The following TC2N variants were observed in gnomAD, a reference collection of about 807,000 sequenced individuals.
The protein encoded by TC2N is tandem C2 domains nuclear protein.
Under a neutral mutation model 61.9 loss-of-function variants are expected in TC2N, and 51 were observed. The ratio of observed to expected loss-of-function variants is 0.82; its 90% CI spans 0.66 to 1.04. The LOEUF is 1.04. Among genes scored for constraint, TC2N ranks in the 50% least tolerant of loss-of-function variants. The pLI is 0.00. For missense variants in TC2N, 556 were observed against 566.7 expected, an observed-to-expected ratio of 0.98 and a Z score of 0.19; for synonymous variants, 204 against 192.6, an observed-to-expected ratio of 1.06 and a Z score of -0.49.
intron 1 of TC2N, among the ~76,000 whole-genome samples, chr14:91,848,347 G>A: frequency 6.6e-6 from 1 of 152,180 alleles, no homozygotes; most frequent in East Asian, 1.9e-4. Flanking sequence ...AGGATTAGGA[G>A]TATCCTGGGT....
At chr14:91,835,565 C>T (rs1887960451) in intron 1 of TC2N, among the ~76,000 whole-genome samples, 1 of 152,158 alleles carries the variant, frequency 6.6e-6, no homozygotes, top group Non-Finnish European at 1.5e-5. Context: ...CTTGTCTATA[C>T]CCAGATGTCT....
chr14:91,821,245 C>T (rs898466889), intron 1 of TC2N, among the ~76,000 whole-genome samples: 1 of 151,676 alleles, frequency 6.6e-6, no homozygotes, highest in African/African-American at 2.4e-5. Flanking sequence ...GTCATCAGGA[C>T]AATATAATAT....
chr14:91,807,783 G>C (rs1366676537), intron 3 of TC2N, among the ~76,000 whole-genome samples: 4 of 152,148 alleles, frequency 2.6e-5, no homozygotes, highest in Non-Finnish European at 5.9e-5. Context: ...GGCATAATTG[G>C]TTTTGAAATG....
chr14:91,828,930 C>T (rs1887622208), intron 1 of TC2N, among the ~76,000 whole-genome samples: 1 of 151,758 alleles, frequency 6.6e-6, no homozygotes. Context: ...AAAGATATTT[C>T]CTCTGGTTAT....
intron 10 of TC2N, among the ~76,000 whole-genome samples, chr14:91,785,995 AT>A: frequency 6.6e-6 from 1 of 152,156 alleles, no homozygotes; most frequent in Non-Finnish European, 1.5e-5. Flanking sequence ...ATACTCCCCT[AT>A]CTGACTGACA....
chr14:91,787,489 A>G, intron 10 of TC2N, 24 bp downstream of exon 10: 8 of 1,389,632 alleles, frequency 5.8e-6, no homozygotes, highest in Non-Finnish European at 8.0e-6. Flanking sequence ...TGAAGATTCT[A>G]CTTTGAACCA....
intron 1 of TC2N, among the ~76,000 whole-genome samples, chr14:91,849,256 G>T (rs1289927113): frequency 6.6e-6 from 1 of 152,014 alleles, no homozygotes; most frequent in Non-Finnish European, 1.5e-5. Context: ...TCATGAGATG[G>T]TATCTAACCC....
chr14:91,825,451 C>G (rs546627336), intron 1 of TC2N, among the ~76,000 whole-genome samples: 1 of 152,078 alleles, frequency 6.6e-6, no homozygotes, highest in African/African-American at 2.4e-5. Context: ...TTCTTTTTAT[C>G]CCCCCACTGT....
chr14:91,820,779 T>C (rs1033195475), intron 1 of TC2N, among the ~76,000 whole-genome samples: 2 of 151,362 alleles, frequency 1.3e-5, no homozygotes, highest in African/African-American at 2.4e-5. Context: ...AAGAGAAATA[T>C]ACAAAAGTTA....
chr14:91,796,568 C>T (rs1885907751), intron 8 of TC2N, among the ~76,000 whole-genome samples: 1 of 68,884 alleles, frequency 1.5e-5, no homozygotes, highest in Admixed American at 1.8e-4. Context: ...TAGGGTGGAC[C>T]CCTAATGACT....
chr14:91,847,086 C>G (rs1172861883), intron 1 of TC2N, among the ~76,000 whole-genome samples: 2 of 152,066 alleles, frequency 1.3e-5, no homozygotes, highest in Admixed American at 6.6e-5. Flanking sequence ...GGTGAAACAC[C>G]ATTCTACTAA....
At chr14:91,832,141 C>A (rs1887799436) in intron 1 of TC2N, among the ~76,000 whole-genome samples, 1 of 152,102 alleles carries the variant, frequency 6.6e-6, no homozygotes, top group African/African-American at 2.4e-5. Flanking sequence ...TTAATCCCAG[C>A]ACTTTGGGAG....
chr14:91,839,437 G>T (rs1888124397), intron 1 of TC2N, among the ~76,000 whole-genome samples: 1 of 152,014 alleles, frequency 6.6e-6, no homozygotes, highest in Non-Finnish European at 1.5e-5. Context: ...CTCTATCATG[G>T]TGCCTACATC....
At chr14:91,808,998 C>CA (rs1459702060) in intron 3 of TC2N, among the ~76,000 whole-genome samples, 1 of 152,030 alleles carries the variant, frequency 6.6e-6, no homozygotes, top group Non-Finnish European at 1.5e-5. Context: ...AGAGAAAGAT[C>CA]AATTGATTGG....
At chr14:91,820,687 A>C (rs1048785060) in intron 1 of TC2N, among the ~76,000 whole-genome samples, 3 of 144,086 alleles carry the variant, frequency 2.1e-5, no homozygotes, top group Admixed American at 7.3e-5. Context: ...ATTCACAGAC[A>C]ACAAGATCTT....
At chr14:91,808,526 C>T (rs1031051162) in intron 3 of TC2N, among the ~76,000 whole-genome samples, 9 of 152,208 alleles carry the variant, frequency 5.9e-5, no homozygotes, top group African/African-American at 1.7e-4. Flanking sequence ...CCATCATTCA[C>T]GTGCATACAT....
chr14:91,787,138 T>C (rs1267692715), intron 10 of TC2N, among the ~76,000 whole-genome samples: 1 of 152,144 alleles, frequency 6.6e-6, no homozygotes, highest in Non-Finnish European at 1.5e-5. Context: ...TTTTGATATA[T>C]ATATTTTTTA....
chr14:91,852,274 C>A (rs1888390809), intron 1 of TC2N, among the ~76,000 whole-genome samples: 1 of 152,166 alleles, frequency 6.6e-6, no homozygotes, highest in African/African-American at 2.4e-5. Flanking sequence ...GCTAAAAATA[C>A]AAAAACCTTA....
At chr14:91,783,246 C>A in intron 11 of TC2N, 36 bp from the exon 12 acceptor site, 1 of 1,197,450 alleles carries the variant, frequency 8.4e-7, no homozygotes, top group Admixed American at 1.8e-5. Context: ...TTTAACTTGA[C>A]ACAATAATAA....
Sources: gnomAD v4.1 joint callset for allele counts (sites outside exome capture counted in the v4.1 genomes callset) on GRCh38, gnomAD v4.1.1 for gene constraint, MANE v1.5 for transcripts, NCBI Gene and HGNC (gene_info 2026-07-23, HGNC 2026-07-21) for gene names.